CSRNP3: variants seen among roughly 807,000 people sequenced by gnomAD.
CSRNP3 encodes the protein cysteine/serine-rich nuclear protein 3.
Under a neutral mutation model 48.0 loss-of-function variants are expected in CSRNP3, and 12 were observed. That is an observed-to-expected ratio of 0.25 (90% CI 0.16 to 0.41). The LOEUF (loss-of-function observed/expected upper bound fraction) is 0.41, where lower values mean the gene tolerates loss of function less well. Ranked by LOEUF, CSRNP3 falls within the 10% of genes least tolerant of loss-of-function variation. The pLI is 1.00. For synonymous variants in CSRNP3, 263 were observed against 269.7 expected, an observed-to-expected ratio of 0.98 and a Z score of 0.24; for missense variants, 580 against 724.4, an observed-to-expected ratio of 0.80 and a Z score of 2.29.
At chr2:165,505,114 T>A in intron 2 of CSRNP3, among the ~76,000 whole-genome samples, 1 of 152,116 alleles carries the variant, frequency 6.6e-6, no homozygotes, top group East Asian at 1.9e-4. Context: ...GGATTGGGGT[T>A]ATAAATTCAT....
At chr2:165,678,599 A>C in intron 6 of CSRNP3, 102 bp from the exon 7 acceptor site, 1 of 1,378,712 alleles carries the variant, frequency 7.3e-7, no homozygotes, top group Non-Finnish European at 9.8e-7. Flanking sequence ...ATGTGGAATT[A>C]AGTGGATGGA....
At chr2:165,641,820 A>C (rs752671224) in intron 4 of CSRNP3, among the ~76,000 whole-genome samples, 5 of 152,198 alleles carry the variant, frequency 3.3e-5, no homozygotes, top group Non-Finnish European at 4.4e-5. Context: ...CTTTAAAGGT[A>C]AAAGAAGTTG....
In CSRNP3 at chr2:165,679,680, T is replaced by C; in HGVS notation, c.1685T>C (p.Leu562Ser). The change falls in exon 7 of 7, where the codon TTG (leucine) becomes TCG (serine). Residue 562 changes from leucine to serine, a missense_variant. Leu to Ser is a moderately radical substitution (Grantham distance 145, BLOSUM62 -2). Around this residue, in one of 4 missense-constraint regions of CSRNP3, gnomAD observed 369 missense variants for 380.8 expected, o/e 0.97. Coordinates refer to ENST00000651982, the MANE Select transcript of CSRNP3 (RefSeq NM_001172173.2). ...TCAGAGCATCCTGCTGAAAATTCTTTGAGCCTTGCAGAAAAGAGCATATTG... is the reference window on the plus strand; with the variant it reads ...TCAGAGCATCCTGCTGAAAATTCTTCGAGCCTTGCAGAAAAGAGCATATTG... ...HISEHPAENS[L>S]SLAEKSILHE... 6.2e-7 allele frequency: 1 copy of C among 1,614,142 alleles called. No individual in the cohort carries two copies. Among genetic ancestry groups the C allele is most frequent in the Non-Finnish European group, 8.5e-7 (1 of 1,180,002 alleles).
At chr2:165,570,103 A>T (rs1685348778) in intron 3 of CSRNP3, among the ~76,000 whole-genome samples, 1 of 152,018 alleles carries the variant, frequency 6.6e-6, no homozygotes, top group Non-Finnish European at 1.5e-5. Context: ...TTTCCATGAC[A>T]TACTTTCCAA....
intron 5 of CSRNP3, among the ~76,000 whole-genome samples, chr2:165,661,161 A>G (rs749925315): frequency 2.6e-5 from 4 of 152,184 alleles, no homozygotes; most frequent in Non-Finnish European, 2.9e-5. Flanking sequence ...TTTCACTCTG[A>G]TACTTGAAAT....
chr2:165,596,296 G>T (rs1685810712), intron 4 of CSRNP3, among the ~76,000 whole-genome samples: 1 of 151,994 alleles, frequency 6.6e-6, no homozygotes. Flanking sequence ...TAAAATTTAT[G>T]TTCCTTAAAC....
chr2:165,497,334 G>C (rs1684297879), intron 2 of CSRNP3, among the ~76,000 whole-genome samples: 1 of 151,994 alleles, frequency 6.6e-6, no homozygotes, highest in Admixed American at 6.6e-5. Flanking sequence ...AACATTTGTT[G>C]ATACTCCTCT....
At chr2:165,539,555 C>T (rs1684926127) in intron 3 of CSRNP3, among the ~76,000 whole-genome samples, 1 of 152,042 alleles carries the variant, frequency 6.6e-6, no homozygotes, top group Non-Finnish European at 1.5e-5. Context: ...AGGCTTTAGT[C>T]TGTTCCATAA....
intron 1 of CSRNP3, among the ~76,000 whole-genome samples, chr2:165,493,690 G>A (rs1684250075): frequency 6.6e-6 from 1 of 152,166 alleles, no homozygotes. Flanking sequence ...TTTGGCCTGA[G>A]CATGCTTTCT....
chr2:165,554,885 G>T (rs1250207489), intron 3 of CSRNP3, among the ~76,000 whole-genome samples: 1 of 152,090 alleles, frequency 6.6e-6, no homozygotes, highest in Non-Finnish European at 1.5e-5. Context: ...AACACTGTCT[G>T]CTGATTTTCT....
At chr2:165,549,550 T>A (rs1685072113) in intron 3 of CSRNP3, among the ~76,000 whole-genome samples, 1 of 152,086 alleles carries the variant, frequency 6.6e-6, no homozygotes, top group South Asian at 2.1e-4. Context: ...AGCTCTCAAT[T>A]ATATATAACA....
chr2:165,640,341 T>C (rs1365410246), intron 4 of CSRNP3, among the ~76,000 whole-genome samples: 2 of 152,184 alleles, frequency 1.3e-5, no homozygotes, highest in African/African-American at 4.8e-5. Flanking sequence ...ACCCAGCAAG[T>C]AAATGACAGA....
chr2:165,531,510 G>T (rs183936635), intron 3 of CSRNP3, among the ~76,000 whole-genome samples: 1 of 152,124 alleles, frequency 6.6e-6, no homozygotes, highest in African/African-American at 2.4e-5. Context: ...GCGGTGTTTG[G>T]TTTTTTGTCC....
chr2:165,583,758 T>C (rs1447183218), intron 3 of CSRNP3, among the ~76,000 whole-genome samples: 2 of 152,200 alleles, frequency 1.3e-5, no homozygotes, highest in African/African-American at 4.8e-5. Context: ...AGAAGAAGTA[T>C]GTCATAAATG....
At chr2:165,661,484 C>G (rs1239738030) in intron 5 of CSRNP3, among the ~76,000 whole-genome samples, 1 of 152,084 alleles carries the variant, frequency 6.6e-6, no homozygotes, top group Non-Finnish European at 1.5e-5. Flanking sequence ...GTCCCAATAC[C>G]CTGTATCATG....
rs533637756 is a variant in CSRNP3, at chr2:165,592,200, A to T, written c.-23-2843A>T. 1.8e-4 allele frequency among the ~76,000 whole-genome samples: 27 copies of T among 152,310 alleles called. 1 individual carries two copies. In the South Asian group the frequency reaches 5.6e-3, roughly 32 times the overall value. On this transcript the variant is annotated intron_variant, in intron 3 of 6. Transcript: ENST00000651982. Reference sequence around the variant, plus strand: ...TAATGGCTACCCTATTGTAATTTGGACTTTAAGATTTAAGTACTGCCTTGA... The same window carrying T: ...TAATGGCTACCCTATTGTAATTTGGTCTTTAAGATTTAAGTACTGCCTTGA...
At chr2:165,580,047 G>T (rs1685517101) in intron 3 of CSRNP3, among the ~76,000 whole-genome samples, 1 of 149,846 alleles carries the variant, frequency 6.7e-6, no homozygotes, top group South Asian at 2.1e-4. Context: ...TCCTGCCTCA[G>T]CCTCCTGAGT....
intron 5 of CSRNP3, among the ~76,000 whole-genome samples, chr2:165,674,811 A>G (rs917309333): frequency 9.3e-5 from 14 of 150,808 alleles, no homozygotes; most frequent in Admixed American, 3.3e-4. Context: ...CCCGGGCTCA[A>G]GTGATCCTTG....
chr2:165,542,957 G>GT (rs1558929864), intron 3 of CSRNP3, among the ~76,000 whole-genome samples: 1 of 151,942 alleles, frequency 6.6e-6, no homozygotes, highest in African/African-American at 2.4e-5. Context: ...CTGTGGTTGC[G>GT]TAAGTAGCAG....
Sources: allele counts gnomAD v4.1 joint callset (sites outside exome capture counted in the v4.1 genomes callset), GRCh38; gene constraint gnomAD v4.1.1; regional missense constraint gnomAD v4.1.1; transcripts MANE v1.5; gene names NCBI Gene and HGNC (gene_info 2026-07-23, HGNC 2026-07-21).